Variants in KRIT1 observed in about 807,000 individuals in gnomAD.
The protein encoded by KRIT1 is KRIT1 ankyrin repeat containing.
Under a neutral mutation model 95.8 loss-of-function variants are expected in KRIT1, and 45 were observed. That is an observed-to-expected ratio of 0.47 (90% confidence interval 0.37 to 0.60). The LOEUF (loss-of-function observed/expected upper bound fraction) is 0.60, where lower values mean the gene tolerates loss of function less well. KRIT1 is among the 20% of genes least tolerant of loss of function. KRIT1 has a pLI of 0.00. For missense variants in KRIT1, 788 were observed against 877.5 expected (o/e 0.90, Z 1.29); for synonymous variants, 282 against 278.8 (o/e 1.01, Z -0.11).
intron 7 of KRIT1, 146 bp from the exon 8 acceptor site, chr7:92,235,792 T>C: frequency 1.4e-6 from 1 of 721,982 alleles, no homozygotes; most frequent in Non-Finnish European, 2.2e-6. Flanking sequence ...AAGTACTTTA[T>C]TATTTTTAAA....
intron 17 of KRIT1, among the ~76,000 whole-genome samples, chr7:92,203,169 T>C (rs570213645): frequency 1.3e-5 from 2 of 152,360 alleles, no homozygotes; most frequent in South Asian, 2.1e-4. Flanking sequence ...TGGCTTTTCC[T>C]ATCTCTGACA....
chr7:92,235,821 T>A (rs1031337109), intron 7 of KRIT1, 175 bp from the exon 8 acceptor site: 2 of 576,798 alleles, frequency 3.5e-6, no homozygotes, highest in Non-Finnish European at 5.9e-6. Context: ...ATATTGCAAA[T>A]TGATTTTTTT....
intron 17 of KRIT1, among the ~76,000 whole-genome samples, chr7:92,212,747 G>T (rs1181211425): frequency 2.0e-5 from 3 of 152,118 alleles, no homozygotes; most frequent in Admixed American, 2.0e-4. Flanking sequence ...GAACTAGATA[G>T]GTATGTAATG....
chr7:92,222,965 C>A lies in KRIT1; in HGVS notation c.1268G>T (p.Arg423Leu). Residue 423 changes from arginine to leucine, a missense_variant, in exon 13 of 19, where the codon CGA becomes CTA. Arg to Leu is a moderately radical substitution (Grantham distance 102). This residue lies in a region of KRIT1 where 493 missense variants were observed against 582.3 expected (regional missense o/e 0.85). Coordinates refer to ENST00000394505, the MANE Select transcript of KRIT1 (RefSeq NM_194454.3). ...EAINKPYEKVRIYRMDGSYRS... is the reference protein window; with the variant it reads ...EAINKPYEKVLIYRMDGSYRS... ...ATATGACCCATCCATTCTGTATATT[C>A]GAACTTTTTCATACTACAAGAAACG... The A allele has an allele frequency of 6.2e-7, 1 of 1,608,096 alleles. No individual in the cohort carries two copies. Among genetic ancestry groups the A allele is most frequent in the Non-Finnish European group, 8.5e-7 (1 of 1,175,240 alleles).
chr7:92,206,770 T>TA (rs1791584107), intron 17 of KRIT1: 1 of 151,744 alleles, frequency 6.6e-6, no homozygotes, highest in Admixed American at 6.6e-5. Flanking sequence ...AAAATGACAT[T>TA]AAAGAAACTC....
chr7:92,217,087 C>G (rs1434073087), intron 14 of KRIT1, among the ~76,000 whole-genome samples: 2 of 152,200 alleles, frequency 1.3e-5, no homozygotes, highest in Non-Finnish European at 2.9e-5. Flanking sequence ...GCCTTGCTTC[C>G]TTTTTACTTG....
Position 92,213,881 on chromosome 7 carries a change from A to C in KRIT1, c.1818+11T>G, listed in dbSNP as rs529066812. ...TATAAAATGTCTTTTCATTTCTATT[A>C]AACAGCTTACCTTGTATTCATGAAG... On this transcript the variant is annotated intron_variant, in intron 16 of 18. Coordinates refer to ENST00000394505, the MANE Select transcript of KRIT1 (RefSeq NM_194454.3). The C allele has an allele frequency of 1.3e-6, 2 of 1,521,574 alleles. No homozygotes were observed. The highest frequency in any genetic ancestry group is 2.2e-5 in the South Asian group (2 of 89,220). The allele number at this position is 1,521,574 out of a possible 1,614,324, so 94.3% of individuals were successfully genotyped here. A position where few individuals can be genotyped will look rare whatever the true frequency, so the allele number is the denominator to read the frequency against.
At chr7:92,199,007 A>G (rs1288061229), downstream of KRIT1, 3 of 152,248 alleles carry the variant, frequency 2.0e-5, no homozygotes, top group Non-Finnish European at 4.4e-5. Context: ...TGAAGCAAAT[A>G]GAGGAAATAA....
In KRIT1 at chr7:92,221,883, A is replaced by G; in HGVS notation, c.1563+19T>C. The G allele has an allele frequency of 1.9e-6, 3 of 1,608,952 alleles. No individual in the cohort carries two copies. Among genetic ancestry groups the G allele is most frequent in the Non-Finnish European group, 2.6e-6 (3 of 1,176,394 alleles). ...ATTTTGTGCATTTAAATAACTGTAA[A>G]TAAGATTTCCAAGCAAACCTGTTTT... On this transcript the variant is annotated intron_variant, in intron 14 of 18. Transcript: ENST00000394505.
chr7:92,245,954 T>G (rs1800917404), upstream of KRIT1: 1 of 245,200 alleles, frequency 4.1e-6, no homozygotes, highest in South Asian at 4.0e-5. Context: ...AGCCTCGCGG[T>G]TGGCGGTGAA....
At chr7:92,238,110 T>C (rs1461599237) in intron 5 of KRIT1, among the ~76,000 whole-genome samples, 1 of 152,196 alleles carries the variant, frequency 6.6e-6, no homozygotes, top group Non-Finnish European at 1.5e-5. Context: ...AAGAATTGTA[T>C]TATATTCTGG....
chr7:92,220,494 A>G (rs1057256147), intron 14 of KRIT1, among the ~76,000 whole-genome samples: 1 of 152,188 alleles, frequency 6.6e-6, no homozygotes, highest in Non-Finnish European at 1.5e-5. Context: ...AAGTTTGGAC[A>G]TGGCTGTTGA....
chr7:92,240,532 C>T (rs2131742599), intron 5 of KRIT1, among the ~76,000 whole-genome samples: 1 of 152,208 alleles, frequency 6.6e-6, no homozygotes, highest in Admixed American at 6.5e-5. Context: ...TAAATGGGGC[C>T]TTAATCTTTC....
rs370999983 is a variant in KRIT1 at position 92,235,072 on chromosome 7, A to T, written c.730-149T>A. Reference sequence around the variant, plus strand: ...TGGAGTTCAGTGCTGCGATCTCAGCACACTGCAACCTCCGCCTCCCAGGTT... The same window carrying T: ...TGGAGTTCAGTGCTGCGATCTCAGCTCACTGCAACCTCCGCCTCCCAGGTT... On this transcript the variant is annotated intron_variant, in intron 8 of 18. Transcript: ENST00000394505. 8.7e-4 allele frequency: 564 copies of T among 650,826 alleles called. 5 individuals are homozygous for T. In the African/African-American group the frequency reaches 8.9e-3, roughly 10 times the overall value. The allele number at this position is 650,826 out of a possible 1,614,324, so 40.3% of individuals were successfully genotyped here.
At chr7:92,244,368 T>C (rs543936340) in intron 2 of KRIT1, among the ~76,000 whole-genome samples, 2 of 152,322 alleles carry the variant, frequency 1.3e-5, no homozygotes, top group East Asian at 3.9e-4. Context: ...ATCACTTCTC[T>C]AGAATATTTA....
rs1349486073 is a variant in KRIT1 at position 92,236,420 on chromosome 7, A to C, written c.478T>G (p.Leu160Val). The change falls in exon 7 of 19, where the codon TTG becomes GTG. Residue 160 changes from leucine (L) to valine (V), a missense_variant. By Grantham distance (32) the Leu-to-Val change is conservative. Transcript: ENST00000394505. The part of the protein sequence containing the change: ...ATLTARMLIA[L>V]DKWLDERHAQ... ...TCTAACGGCATTTCTTACTTATCCA[A>C]GGCTATTAACATCCTTGCTGTAAGT... is the stretch of plus-strand genomic sequence containing the variant. 1.3e-6 allele frequency: 2 copies of C among 1,598,584 alleles called. No individual in the cohort carries two copies. Among genetic ancestry groups the C allele is most frequent in the African/African-American group, 2.7e-5 (2 of 74,574 alleles).
intron 17 of KRIT1, among the ~76,000 whole-genome samples, chr7:92,210,237 T>C (rs1792505760): frequency 6.6e-6 from 1 of 151,812 alleles, no homozygotes; most frequent in Middle Eastern, 3.4e-3. Context: ...GCCAAACCAA[T>C]AGTGAGAAAA....
In KRIT1 at chr7:92,213,999, C is replaced by A; in HGVS notation, c.1731-20G>T. On this transcript the variant is annotated intron_variant, in intron 15 of 18. Transcript: ENST00000394505. ...TCTTCACTGTAAGCACACATGCCAA[C>A]ATCCTTTAAATAAATCATCTTTAGT... 7.0e-7 allele frequency: 1 copy of A among 1,428,896 alleles called. No homozygotes were observed. The highest frequency in any genetic ancestry group is 9.9e-7 in the Non-Finnish European group (1 of 1,011,448). 88.5% of individuals were successfully genotyped at this position (1,428,896 alleles called of 1,614,324 possible).
intron 10 of KRIT1, among the ~76,000 whole-genome samples, chr7:92,232,887 A>G (rs1253853555): frequency 6.6e-6 from 1 of 151,890 alleles, no homozygotes; most frequent in East Asian, 1.9e-4. Context: ...TAGAGACGGG[A>G]TTTCATGGTG....
Sources: allele counts gnomAD v4.1 joint callset (sites outside exome capture counted in the v4.1 genomes callset), GRCh38; gene constraint gnomAD v4.1.1; regional missense constraint gnomAD v4.1.1; transcripts MANE v1.5; gene names NCBI Gene and HGNC (gene_info 2026-07-23, HGNC 2026-07-21).